The following EPHA6 variants were observed in gnomAD, a reference collection of about 807,000 sequenced individuals.
EPHA6 encodes EPH receptor A6, also known as ephrin type-A receptor 6.
A neutral mutation model predicts 112.0 loss-of-function variants in EPHA6; 50 were observed. The ratio of observed to expected loss-of-function variants is 0.45; its 90% CI spans 0.36 to 0.56. The LOEUF (loss-of-function observed/expected upper bound fraction) is 0.56, where lower values mean the gene tolerates loss of function less well. Ranked by LOEUF, EPHA6 falls within the 20% of genes least tolerant of loss-of-function variation. EPHA6 has a pLI of 0.00. For missense variants in EPHA6, 1,280 were observed against 1,417.4 expected (o/e 0.90, Z 1.56); for synonymous variants, 529 against 490.7 (o/e 1.08, Z -1.03).
chr3:97,119,688 G>A (rs1028505149), intron 3 of EPHA6, among the ~76,000 whole-genome samples: 10 of 152,090 alleles, frequency 6.6e-5, no homozygotes, highest in South Asian at 4.1e-4. Context: ...TGTTTTGCCC[G>A]TGTAAATGGA....
intron 1 of EPHA6, among the ~76,000 whole-genome samples, chr3:96,829,949 G>GCGCGCGCGCGCA (rs373416797): frequency 7.4e-5 from 10 of 136,034 alleles, no homozygotes; most frequent in African/African-American, 3.0e-4. Context: ...GCGCGCGCGC[G>GCGCGCGCGCGCA]CACACACACA....
intron 16 of EPHA6, among the ~76,000 whole-genome samples, chr3:97,737,363 G>A (rs2035305356): frequency 6.6e-6 from 1 of 152,042 alleles, no homozygotes; most frequent in Admixed American, 6.6e-5. Context: ...AGTAACTAAA[G>A]CTAGAAAAGA....
intron 5 of EPHA6, among the ~76,000 whole-genome samples, chr3:97,307,690 A>T (rs1245931814): frequency 6.6e-6 from 1 of 150,786 alleles, no homozygotes; most frequent in African/African-American, 2.4e-5. Context: ...ATGAATCTCC[A>T]TATCTTCAAT....
intron 14 of EPHA6, among the ~76,000 whole-genome samples, chr3:97,673,466 A>C (rs2031052690): frequency 6.6e-6 from 1 of 152,212 alleles, no homozygotes; most frequent in South Asian, 2.1e-4. Flanking sequence ...CACAATTATT[A>C]GAATATGAAC....
In EPHA6 at chr3:97,077,981, G is replaced by T. The variant is rs78929874; in HGVS notation, c.1114+89988G>T. 5.3e-5 allele frequency among the ~76,000 whole-genome samples: 8 copies of T among 152,046 alleles called. No homozygotes were observed. In the South Asian group the frequency reaches 1.7e-3, roughly 32 times the overall value. ...GAGGAATCGCCACACTGTCTTCCAC[G>T]ATGGTTGAACAAGTTTACACTCCAA... On this transcript the variant is annotated intron_variant, in intron 3 of 17. Coordinates refer to ENST00000389672, the MANE Select transcript of EPHA6 (RefSeq NM_001080448.3).
At chr3:97,516,741 A>G (rs1056531331) in intron 10 of EPHA6, among the ~76,000 whole-genome samples, 1 of 152,136 alleles carries the variant, frequency 6.6e-6, no homozygotes, top group Non-Finnish European at 1.5e-5. Context: ...ACACAATAGG[A>G]AAATGGATTT....
At chr3:97,539,024 TTTC>T (rs1371903979) in intron 11 of EPHA6, among the ~76,000 whole-genome samples, 1 of 151,084 alleles carries the variant, frequency 6.6e-6, no homozygotes. Flanking sequence ...TCTTTCTTTC[TTTC>T]TTTCTTTCTT....
At chr3:97,268,196 CTCTTTTCATTAGAAAAGAAAAAGCTT>C (rs1425337742) in intron 5 of EPHA6, among the ~76,000 whole-genome samples, 3 of 152,136 alleles carry the variant, frequency 2.0e-5, no homozygotes, top group East Asian at 1.9e-4. Context: ...GTTCTTCTGT[CTCTTTTCATTAGAAAAGAAAAAGCTT>C]TCTTTTCTAA....
chr3:97,427,672 T>G (rs2089235383), intron 6 of EPHA6, among the ~76,000 whole-genome samples: 1 of 151,402 alleles, frequency 6.6e-6, no homozygotes. Context: ...ACTGCACATG[T>G]ATCCTTAAAG....
At chr3:97,535,521 G>C (rs2092751664) in intron 11 of EPHA6, among the ~76,000 whole-genome samples, 1 of 152,038 alleles carries the variant, frequency 6.6e-6, no homozygotes, top group East Asian at 1.9e-4. Flanking sequence ...GGTTTATATT[G>C]TTATCATCTT....
intron 3 of EPHA6, among the ~76,000 whole-genome samples, chr3:97,103,761 G>T (rs891612297): frequency 6.6e-6 from 1 of 152,074 alleles, no homozygotes; most frequent in African/African-American, 2.4e-5. Flanking sequence ...TAACAATTTT[G>T]ATTTCTCCTA....
intron 3 of EPHA6, among the ~76,000 whole-genome samples, chr3:97,076,107 A>C (rs549541815): frequency 2.7e-4 from 41 of 152,180 alleles, no homozygotes; most frequent in African/African-American, 8.9e-4. Flanking sequence ...GAAGAGTGTC[A>C]CATCTCTCAC....
At chr3:97,325,945 G>A (rs1479771147) in intron 5 of EPHA6, among the ~76,000 whole-genome samples, 1 of 151,722 alleles carries the variant, frequency 6.6e-6, no homozygotes, top group Non-Finnish European at 1.5e-5. Context: ...CTTAAGTTGC[G>A]ATGCATTTTC....
chr3:97,249,602 G>C (rs2079075894), intron 5 of EPHA6, among the ~76,000 whole-genome samples: 1 of 152,110 alleles, frequency 6.6e-6, no homozygotes, highest in South Asian at 2.1e-4. Context: ...ACTGTTCTCA[G>C]ACAGTTGTGT....
intron 2 of EPHA6, among the ~76,000 whole-genome samples, chr3:96,958,095 A>G (rs1354177266): frequency 6.6e-6 from 1 of 152,158 alleles, no homozygotes; most frequent in Non-Finnish European, 1.5e-5. Context: ...TGTCTTGACC[A>G]GCCTGGTTGA....
intron 10 of EPHA6, among the ~76,000 whole-genome samples, chr3:97,507,637 G>T (rs951344458): frequency 2.6e-5 from 4 of 151,734 alleles, no homozygotes; most frequent in Admixed American, 6.6e-5. Flanking sequence ...TTTTTGTTGT[G>T]TCTGCCTGGT....
At chr3:97,686,570 C>T (rs940496338) in intron 14 of EPHA6, among the ~76,000 whole-genome samples, 6 of 152,148 alleles carry the variant, frequency 3.9e-5, no homozygotes, top group Admixed American at 1.3e-4. Flanking sequence ...CTGTAATTTG[C>T]CAAGATATGT....
intron 7 of EPHA6, among the ~76,000 whole-genome samples, chr3:97,450,658 T>A (rs1223168034): frequency 6.6e-6 from 1 of 151,994 alleles, no homozygotes; most frequent in African/African-American, 2.4e-5. Context: ...TTATGTAGAA[T>A]AAAAAGAAAG....
At chr3:96,870,283 G>C (rs1210579777) in intron 2 of EPHA6, among the ~76,000 whole-genome samples, 1 of 152,094 alleles carries the variant, frequency 6.6e-6, no homozygotes, top group South Asian at 2.1e-4. Context: ...CCAAAGGCCC[G>C]GGGAGTGGGT....
Sources: gnomAD v4.1 joint callset for allele counts (sites outside exome capture counted in the v4.1 genomes callset) on GRCh38, gnomAD v4.1.1 for gene constraint, MANE v1.5 for transcripts, NCBI Gene and HGNC (gene_info 2026-07-23, HGNC 2026-07-21) for gene names.